LARGE1: variants seen among roughly 807,000 people sequenced by gnomAD.
The protein encoded by LARGE1 is LARGE xylosyl- and glucuronyltransferase 1.
LARGE1 carries 43 observed loss-of-function variants against 87.6 expected under a neutral mutation model. The ratio of observed to expected loss-of-function variants is 0.49; its 90% CI spans 0.38 to 0.63. LARGE1 has a LOEUF of 0.63. Ranked by LOEUF, LARGE1 falls within the 30% of genes least tolerant of loss-of-function variation. The pLI is 0.00. For synonymous variants in LARGE1, 434 were observed against 394.6 expected, an observed-to-expected ratio of 1.10 and a Z score of -1.18; for missense variants, 802 against 1,000.2, an observed-to-expected ratio of 0.80 and a Z score of 2.67.
At chr22:33,800,959 T>C (rs1389011946) in intron 1 of LARGE1, among the ~76,000 whole-genome samples, 3 of 152,180 alleles carry the variant, frequency 2.0e-5, no homozygotes, top group African/African-American at 7.2e-5. Context: ...AAATCTCAAC[T>C]TGAATTTTAT....
intron 6 of LARGE1, among the ~76,000 whole-genome samples, chr22:33,456,406 G>A (rs1174126846): frequency 6.6e-6 from 1 of 152,156 alleles, no homozygotes; most frequent in African/African-American, 2.4e-5. Context: ...TTGGAGACAG[G>A]CCAATTTTGG....
rs542340051 is a variant in LARGE1, at chr22:33,501,500, G to C, written c.787+63348C>G. Among the ~76,000 whole-genome samples, 271 of 152,324 alleles carry C rather than the reference G, an allele frequency of 1.8e-3. 1 individual carries two copies. Among genetic ancestry groups the C allele is most frequent in the African/African-American group, 6.4e-3 (266 of 41,564 alleles). On this transcript the variant is annotated intron_variant, in intron 6 of 14. Coordinates refer to ENST00000397394, the MANE Select transcript of LARGE1 (RefSeq NM_133642.5). ...GGGAGGATTAATTAACTTGAATATA[G>C]AGTGGGAGATGGGCTGGTTTCCCTG...
chr22:33,481,706 G>A (rs182797730), intron 6 of LARGE1, among the ~76,000 whole-genome samples: 3 of 152,176 alleles, frequency 2.0e-5, no homozygotes, highest in East Asian at 3.9e-4. Flanking sequence ...AACCTTGCCC[G>A]TTAGAACAAC....
intron 1 of LARGE1, among the ~76,000 whole-genome samples, chr22:33,861,401 AACACACACAC>A (rs139884348): frequency 4.7e-5 from 7 of 148,956 alleles, no homozygotes; most frequent in Non-Finnish European, 1.0e-4. Flanking sequence ...CACACACACA[AACACACACAC>A]ACACACACAC....
chr22:33,200,006 A>AAAAATT lies in LARGE1; in HGVS notation c.1731-33175_1731-33174insAATTTT, dbSNP rs1568970657. Among the ~76,000 whole-genome samples, 66 of 151,640 alleles carry AAAAATT rather than the reference A, an allele frequency of 4.4e-4. No individual in the cohort carries two copies. The Middle Eastern group carries it at 0.01, about 24-fold the overall frequency. On this transcript the variant is annotated intron_variant, in intron 11 of 11. Coordinates refer to the LARGE1 transcript ENST00000608642. ...TGGGATTACAGGCACCTGCCACCAC[A>AAAAATT]CCTGGCTAATTTTTGTATTTTTAGT...
At chr22:33,899,730 A>C (rs1171647205) in intron 1 of LARGE1, among the ~76,000 whole-genome samples, 1 of 152,238 alleles carries the variant, frequency 6.6e-6, no homozygotes, top group African/African-American at 2.4e-5. Context: ...ATCTGAGCAA[A>C]GCAACATCGA....
chr22:33,493,612 C>A (rs1274023611), intron 6 of LARGE1, among the ~76,000 whole-genome samples: 1 of 152,172 alleles, frequency 6.6e-6, no homozygotes, highest in African/African-American at 2.4e-5. Flanking sequence ...TCAACACCCA[C>A]CCCCACAACA....
intron 2 of LARGE1, among the ~76,000 whole-genome samples, chr22:33,692,924 C>T (rs2082136040): frequency 6.6e-6 from 1 of 152,098 alleles, no homozygotes; most frequent in Non-Finnish European, 1.5e-5. Flanking sequence ...AGACATCATT[C>T]TATTATAAAG....
chr22:33,302,373 G>A (rs1934265468), intron 12 of LARGE1, among the ~76,000 whole-genome samples: 1 of 152,138 alleles, frequency 6.6e-6, no homozygotes, highest in Admixed American at 6.5e-5. Context: ...GCTGCCTAGG[G>A]GTCGCTGACC....
chr22:33,498,002 C>A (rs1400646569), intron 6 of LARGE1, among the ~76,000 whole-genome samples: 1 of 152,176 alleles, frequency 6.6e-6, no homozygotes, highest in Non-Finnish European at 1.5e-5. Context: ...CGTGCCTCAG[C>A]CTCCCGAGTA....
chr22:33,341,027 C>G (rs1323644989), intron 9 of LARGE1, among the ~76,000 whole-genome samples: 1 of 152,020 alleles, frequency 6.6e-6, no homozygotes, highest in African/African-American at 2.4e-5. Flanking sequence ...GGGGGTTGAA[C>G]AGTATATCAA....
intron 7 of LARGE1, among the ~76,000 whole-genome samples, chr22:33,411,962 C>T (rs529045637): frequency 2.0e-5 from 3 of 152,296 alleles, no homozygotes; most frequent in Admixed American, 2.0e-4. Flanking sequence ...AAACTGTCAA[C>T]AGTACTTACT....
rs578115819 is a variant in LARGE1, at chr22:33,187,921, C to CA, written c.1731-21090dup. ...TGGGCAACAGAGTGAGACTCCGTCTCAAAAAAAAAAAAAAAAAAAAAAAAA... is the reference window on the plus strand; with the variant it reads ...TGGGCAACAGAGTGAGACTCCGTCTCAAAAAAAAAAAAAAAAAAAAAAAAAA... On this transcript the variant is annotated intron_variant, in intron 11 of 11. Coordinates refer to the LARGE1 transcript ENST00000608642. 5.1e-3 allele frequency among the ~76,000 whole-genome samples: 189 copies of CA among 36,908 alleles called. 69 individuals carry two copies. Among genetic ancestry groups the CA allele is most frequent in the East Asian group, 0.03 (23 of 776 alleles). 24.2% of individuals were successfully genotyped at this position (36,908 alleles called of 152,430 possible).
At chr22:33,785,181 G>A (rs200382085) in intron 1 of LARGE1, among the ~76,000 whole-genome samples, 1,953 of 79,474 alleles carry the variant, frequency 0.025, 151 homozygotes, top group African/African-American at 0.13. Context: ...ATACATATGT[G>A]TATATACATA....
At chr22:33,073,634 A>G in the LARGE1 span, among the ~76,000 whole-genome samples, 1 of 152,076 alleles carries the variant, frequency 6.6e-6, no homozygotes, top group South Asian at 2.1e-4. Context: ...TCCTCTTGGC[A>G]TTCCTTTTGG....
chr22:33,283,199 C>G lies in LARGE1; in HGVS notation c.1877+3G>C. On this transcript the variant is annotated splice_donor_region_variant and intron_variant, in intron 13 of 14. Coordinates refer to ENST00000397394, the MANE Select transcript of LARGE1 (RefSeq NM_133642.5). ...CCAGAGTACAGCAGCTAGAGCCACT[C>G]ACCTGAATGTGAAGAGGGTCCCCAT... 6.2e-7 allele frequency: 1 copy of G among 1,614,142 alleles called. No individual in the cohort carries two copies. Among genetic ancestry groups the G allele is most frequent in the Non-Finnish European group, 8.5e-7 (1 of 1,180,044 alleles).
At chr22:33,330,985 T>C (rs908355845) in intron 10 of LARGE1, among the ~76,000 whole-genome samples, 1 of 152,348 alleles carries the variant, frequency 6.6e-6, no homozygotes, top group Non-Finnish European at 1.5e-5. Context: ...GACAGATTTC[T>C]CAGAGACTCT....
chr22:33,539,336 C>A (rs2077125714), intron 6 of LARGE1, among the ~76,000 whole-genome samples: 1 of 152,102 alleles, frequency 6.6e-6, no homozygotes, highest in Non-Finnish European at 1.5e-5. Flanking sequence ...TTCCCCATGC[C>A]CATGGGCATC....
intron 11 of LARGE1, among the ~76,000 whole-genome samples, chr22:33,310,220 T>G (rs538580122): frequency 5.3e-5 from 8 of 152,108 alleles, no homozygotes; most frequent in Admixed American, 2.0e-4. Context: ...TTCTAGAGAG[T>G]AGGGCTCTGT....
Sources: allele counts gnomAD v4.1 joint callset (sites outside exome capture counted in the v4.1 genomes callset), GRCh38; gene constraint gnomAD v4.1.1; transcripts MANE v1.5; gene names NCBI Gene and HGNC (gene_info 2026-07-23, HGNC 2026-07-21).